Variants in TMIGD2 observed in about 807,000 individuals in gnomAD.
TMIGD2 encodes the protein transmembrane and immunoglobulin domain containing 2, also known as transmembrane and immunoglobulin domain-containing protein 2.
In TMIGD2, 18 loss-of-function variants were observed where a neutral mutation model predicts 22.6. The ratio of observed to expected loss-of-function variants is 0.80; its 90% CI spans 0.55 to 1.18. TMIGD2 has a LOEUF of 1.18. TMIGD2 is among the 50% of genes most tolerant of loss of function. The probability of loss-of-function intolerance (pLI) is 0.00; values close to 1 mark genes in which losing one functional copy is unlikely to be tolerated. For missense variants in TMIGD2, 361 were observed against 378.2 expected, an observed-to-expected ratio of 0.95 and a Z score of 0.38; for synonymous variants, 184 against 154.1, an observed-to-expected ratio of 1.19 and a Z score of -1.44.
At chr19:4,294,639 C>G in exon 4 of TMIGD2, 1 of 1,605,608 alleles carries the variant, frequency 6.2e-7, no homozygotes, top group Non-Finnish European at 8.5e-7. Flanking sequence ...ACGATCGCAG[C>G]CACACCCATG....
At position 4,292,659 on chromosome 19, in the gene TMIGD2, AG is replaced by A; in HGVS notation, c.788del (p.Pro263LeufsTer33). ...TCGGCTGCTGGGTGGGGCTTGGTCT[AG>A]GAGAGACCCTGACCATAGAGACGGG... is the stretch of plus-strand genomic sequence containing the variant. On this transcript the variant is annotated frameshift_variant, in exon 5 of 5. Transcript: ENST00000301272. LOFTEE classifies it low-confidence loss of function (END_TRUNC). 1 of 1,610,306 alleles carries A rather than the reference AG, an allele frequency of 6.2e-7. No individual in the cohort carries two copies. Among genetic ancestry groups the A allele is most frequent in the South Asian group, 1.1e-5 (1 of 90,792 alleles).
exon 5 of TMIGD2, chr19:4,292,607 C>T (rs1971395727): frequency 6.2e-7 from 1 of 1,613,022 alleles, no homozygotes; most frequent in Admixed American, 1.7e-5. Flanking sequence ...TCTCACTCCT[C>T]TCCCACTTTG....
chr19:4,298,309 C>G (rs1474480093), exon 2 of TMIGD2: 1 of 1,597,930 alleles, frequency 6.3e-7, no homozygotes, highest in East Asian at 2.2e-5. Context: ...CAAGTTGGGC[C>G]CCTGCTGCAC....
chr19:4,301,680 A>AAAAC (rs917563910), intron 1 of TMIGD2, among the ~76,000 whole-genome samples: 1 of 152,300 alleles, frequency 6.6e-6, no homozygotes, highest in East Asian at 1.9e-4. Flanking sequence ...AAAACAAAAC[A>AAAAC]AAACAAACAA....
chr19:4,295,748 G>A (rs1217514403), intron 2 of TMIGD2, among the ~76,000 whole-genome samples: 1 of 151,986 alleles, frequency 6.6e-6, no homozygotes, highest in Non-Finnish European at 1.5e-5. Context: ...TTATAGACGG[G>A]GAAACCGAGG....
intron 1 of TMIGD2, 73 bp downstream of exon 1, chr19:4,302,267 T>C (rs1365439851): frequency 2.7e-6 from 4 of 1,495,022 alleles, no homozygotes; most frequent in Non-Finnish European, 3.6e-6. Flanking sequence ...AGAGGGGCCC[T>C]GAGCTGGGGG....
At chr19:4,293,073 C>T (rs1971405452) in intron 4 of TMIGD2, among the ~76,000 whole-genome samples, 188 bp from the exon 5 acceptor site, 1 of 151,872 alleles carries the variant, frequency 6.6e-6, no homozygotes, top group African/African-American at 2.4e-5. Flanking sequence ...ACGCCATTCT[C>T]CTGCCTCAGC....
At chr19:4,296,614 C>T (rs540297931) in intron 2 of TMIGD2, among the ~76,000 whole-genome samples, 8 of 152,262 alleles carry the variant, frequency 5.3e-5, no homozygotes, top group Admixed American at 1.3e-4. Context: ...TCCACCACCC[C>T]GCCTCCTCTA....
At chr19:4,292,762 G>C (rs201023371) in exon 5 of TMIGD2, 9 of 1,610,862 alleles carry the variant, frequency 5.6e-6, no homozygotes, top group Non-Finnish European at 7.6e-6. Flanking sequence ...GCGGGGGGCC[G>C]GTTGCGGGAA....
intron 4 of TMIGD2, among the ~76,000 whole-genome samples, chr19:4,293,462 A>G (rs1054295570): frequency 1.3e-4 from 17 of 132,512 alleles, no homozygotes; most frequent in African/African-American, 5.1e-4. Flanking sequence ...GGGTTTCACC[A>G]CGTTGGCCAG....
At chr19:4,294,347 G>A (rs963217003) in intron 4 of TMIGD2, among the ~76,000 whole-genome samples, 3 of 152,136 alleles carry the variant, frequency 2.0e-5, no homozygotes, top group Non-Finnish European at 4.4e-5. Context: ...GAGCCACCGC[G>A]CCCAGCAATT....
At chr19:4,292,849 C>T (rs763256697) in exon 5 of TMIGD2, 21 of 1,613,700 alleles carry the variant, frequency 1.3e-5, no homozygotes, top group South Asian at 5.5e-5. Flanking sequence ...TGGGGCCCCC[C>T]GGGGCCGGTA....
rs1971488966 is a variant in TMIGD2 at position 4,298,215 on chromosome 19, C to T, written c.177G>A (p.Trp59Ter). The change falls in exon 2 of 5, where the codon TGG (tryptophan) becomes TGA (stop). Residue 59 changes from tryptophan (W) to a stop codon, truncating the protein, a stop_gained. Transcript: ENST00000301272. LOFTEE classifies it high-confidence loss of function. The stretch of plus-strand genomic sequence containing the variant: ...GACACAGGATGGCCCCATCCTTTGT[C>T]CACTTAACACGGAGCCGTTCCCAGG... The T allele has an allele frequency of 6.2e-7, 1 of 1,613,122 alleles. No homozygotes were observed. The highest frequency in any genetic ancestry group is 8.5e-7 in the Non-Finnish European group (1 of 1,179,986).
intron 2 of TMIGD2, among the ~76,000 whole-genome samples, chr19:4,295,271 AAAAAG>A (rs1971447380): frequency 6.8e-6 from 1 of 147,712 alleles, no homozygotes; most frequent in Non-Finnish European, 1.5e-5. Flanking sequence ...AAAAAAAAAA[AAAAAG>A]AAGGCCAGGC....
At chr19:4,298,409 C>T (rs1971492957) in intron 1 of TMIGD2, 64 bp from the exon 2 acceptor site, 4 of 1,495,618 alleles carry the variant, frequency 2.7e-6, no homozygotes, top group South Asian at 2.7e-5. Flanking sequence ...GTGTGACTCA[C>T]TCCCCTAGTG....
Position 4,292,975 on chromosome 19 carries a change from T to C in TMIGD2, c.563-90A>G. Reference sequence around the variant, plus strand: ...TGGGGGATCTGTCTCTTTTTTTTTTTTTCTGTGAGACGGAGTCTCACTCTG... The same window carrying C: ...TGGGGGATCTGTCTCTTTTTTTTTTCTTCTGTGAGACGGAGTCTCACTCTG... On this transcript the variant is annotated intron_variant, in intron 4 of 4. Coordinates refer to ENST00000301272, the Ensembl canonical transcript of TMIGD2. The C allele has an allele frequency of 7.7e-6, 12 of 1,556,952 alleles. No individual in the cohort carries two copies. In the South Asian group the frequency reaches 1.1e-4, roughly 14 times the overall value.
intron 4 of TMIGD2, 49 bp downstream of exon 4, chr19:4,294,530 C>T (rs1008161028): frequency 1.9e-6 from 3 of 1,574,706 alleles, no homozygotes; most frequent in Non-Finnish European, 2.6e-6. Flanking sequence ...TGTCAAGCAG[C>T]TGCAGTTCCC....
chr19:4,294,392 T>C (rs1471100546), intron 4 of TMIGD2, among the ~76,000 whole-genome samples, 187 bp downstream of exon 4: 1 of 152,116 alleles, frequency 6.6e-6, no homozygotes, highest in Non-Finnish European at 1.5e-5. Flanking sequence ...TCTTGCTAGG[T>C]TGCACAGGCT....
At chr19:4,294,543 C>T (rs1331006281) in intron 4 of TMIGD2, 36 bp downstream of exon 4, 2 of 1,603,184 alleles carry the variant, frequency 1.2e-6, no homozygotes, top group South Asian at 1.1e-5. Context: ...CAGTTCCCAC[C>T]TCCTCCGCCC....
Sources: gnomAD v4.1 joint callset for allele counts (sites outside exome capture counted in the v4.1 genomes callset) on GRCh38, gnomAD v4.1.1 for gene constraint, MANE v1.5 for transcripts, NCBI Gene and HGNC (gene_info 2026-07-23, HGNC 2026-07-21) for gene names.